The following RFX2 variants were observed in gnomAD, a reference collection of about 807,000 sequenced individuals.
The protein encoded by RFX2 is DNA-binding protein RFX2.
Under a neutral mutation model 87.8 loss-of-function variants are expected in RFX2, and 20 were observed. The ratio of observed to expected loss-of-function variants is 0.23; its 90% confidence interval spans 0.16 to 0.33. The LOEUF (loss-of-function observed/expected upper bound fraction) is 0.33, where lower values mean the gene tolerates loss of function less well. Ranked by LOEUF, RFX2 falls within the 10% of genes least tolerant of loss-of-function variation. The pLI is 1.00. For synonymous variants in RFX2, 397 were observed against 431.3 expected (o/e 0.92, Z 0.98); for missense variants, 767 against 1,012.3 (o/e 0.76, Z 3.29).
intron 1 of RFX2, among the ~76,000 whole-genome samples, chr19:6,068,832 C>A (rs184008633): frequency 3.9e-5 from 6 of 152,204 alleles, no homozygotes; most frequent in East Asian, 1.9e-4. Flanking sequence ...TAACCAGGCC[C>A]CTCTGGCTGC....
At chr19:6,096,855 C>T (rs892331970) in intron 1 of RFX2, among the ~76,000 whole-genome samples, 2 of 152,180 alleles carry the variant, frequency 1.3e-5, no homozygotes, top group African/African-American at 4.8e-5. Flanking sequence ...GTGGTCTCCC[C>T]CTCCCAGGGT....
Position 6,012,406 on chromosome 19 carries a change from G to C in RFX2, c.899+580C>G, listed in dbSNP as rs2144700128. 6.6e-6 allele frequency among the ~76,000 whole-genome samples: 1 copy of C among 152,374 alleles called. No homozygotes were observed. Among genetic ancestry groups the C allele is most frequent in the East Asian group, 1.9e-4 (1 of 5,188 alleles). On this transcript the variant is annotated intron_variant, in intron 8 of 17. Coordinates refer to ENST00000303657, the MANE Select transcript of RFX2 (RefSeq NM_000635.4). This position sits in a 1 kb window ranked among gnomAD's most constrained non-coding sequence, Gnocchi z 4.6. ...GGCAGAAGGATTAGAGGTTGCTGCAGACTGGGGTGGGGAGGGAAAGCTGGG... is the reference window on the plus strand; with the variant it reads ...GGCAGAAGGATTAGAGGTTGCTGCACACTGGGGTGGGGAGGGAAAGCTGGG...
At chr19:6,005,736 A>T (rs2086571311) in intron 12 of RFX2, among the ~76,000 whole-genome samples, 1 of 152,182 alleles carries the variant, frequency 6.6e-6, no homozygotes, top group Non-Finnish European at 1.5e-5. Flanking sequence ...GTTAAAGGTC[A>T]GCCTCTACCC....
chr19:6,004,078 C>T lies in RFX2; in HGVS notation c.1500+123G>A, dbSNP rs1043631614. 63 of 757,290 alleles carry T rather than the reference C, an allele frequency of 8.3e-5. 1 individual carries two copies. The highest frequency in any genetic ancestry group is 4.6e-4 in the African/African-American group (27 of 58,628). 46.9% of individuals were successfully genotyped at this position (757,290 alleles called of 1,614,324 possible). On this transcript the variant is annotated intron_variant, in intron 13 of 17. Transcript: ENST00000303657. The surrounding 1 kb of genome is among the most constrained non-coding windows in gnomAD (Gnocchi z 4.8). Reference sequence around the variant, plus strand: ...TGTGCTCAGGGCTTCCTGAAGGGATCGGTTACTCTCATGACGCAGGGAAGA... The same window carrying T: ...TGTGCTCAGGGCTTCCTGAAGGGATTGGTTACTCTCATGACGCAGGGAAGA...
chr19:6,076,132 G>A (rs2087688892), intron 1 of RFX2, among the ~76,000 whole-genome samples: 1 of 152,210 alleles, frequency 6.6e-6, no homozygotes, highest in Non-Finnish European at 1.5e-5. Flanking sequence ...TTGAGGTCAT[G>A]AGTTCGAGAG....
At chr19:6,096,075 G>A (rs565791769) in intron 1 of RFX2, among the ~76,000 whole-genome samples, 1 of 152,294 alleles carries the variant, frequency 6.6e-6, no homozygotes, top group South Asian at 2.1e-4. Flanking sequence ...TATAGAGAAT[G>A]TTTGCTGATC....
chr19:6,070,595 T>C (rs557104544), intron 1 of RFX2, among the ~76,000 whole-genome samples: 1 of 152,232 alleles, frequency 6.6e-6, no homozygotes, highest in South Asian at 2.1e-4. Context: ...CATAGTCACA[T>C]ATGGGCTCCA....
chr19:6,099,918 T>G (rs1281445154), intron 1 of RFX2, among the ~76,000 whole-genome samples: 2 of 152,034 alleles, frequency 1.3e-5, no homozygotes, highest in African/African-American at 4.8e-5. Flanking sequence ...GAAAGGGGAG[T>G]GTGCTTTTGG....
chr19:6,105,582 G>A (rs115936678), intron 1 of RFX2, among the ~76,000 whole-genome samples: 2,152 of 152,210 alleles, frequency 0.014, 48 homozygotes, highest in African/African-American at 0.049. Context: ...ACATGACGCC[G>A]CCTCTCCCAG....
intron 5 of RFX2, among the ~76,000 whole-genome samples, chr19:6,038,349 A>AG (rs1343307984): frequency 6.7e-6 from 1 of 149,790 alleles, no homozygotes; most frequent in Admixed American, 6.6e-5. Context: ...AAAAAAAAAA[A>AG]AAACCCAAAA....
intron 1 of RFX2, among the ~76,000 whole-genome samples, chr19:6,049,550 T>TA (rs2087241317): frequency 1.3e-5 from 2 of 152,232 alleles, no homozygotes; most frequent in Non-Finnish European, 2.9e-5. Flanking sequence ...TTATTATTAT[T>TA]GTTTTTTGAG....
At position 6,016,391 on chromosome 19, in the gene RFX2, C is replaced by T. The variant is rs2086726711; in HGVS notation, c.598-120G>A. The T allele has an allele frequency of 2.3e-5, 15 of 648,504 alleles. No individual in the cohort carries two copies. The South Asian group carries it at 4.1e-4, about 18-fold the overall frequency. The allele number at this position is 648,504 out of a possible 1,614,324, so 40.2% of individuals were successfully genotyped here. On this transcript the variant is annotated intron_variant, in intron 6 of 17. Coordinates refer to ENST00000303657, the MANE Select transcript of RFX2 (RefSeq NM_000635.4). This position sits in a 1 kb window ranked among gnomAD's most constrained non-coding sequence, Gnocchi z 5.4. ...TGTTACCAAATGGGATGAGGAAATC[C>T]ATCTTTTCTTTCTTTTTGAGGCGGA...
Position 6,046,605 on chromosome 19 carries a change from C to CTT in RFX2, c.90+800_90+801dup, listed in dbSNP as rs55854937. ...TCTAACTCATCTTTTGCCTTTTTGC[C>CTT]TTTTTTTTTTTTTTTTTTTTTTTTT... On this transcript the variant is annotated intron_variant, in intron 2 of 17. Transcript: ENST00000303657. Among the ~76,000 whole-genome samples, 470 of 90,608 alleles carry CTT rather than the reference C, an allele frequency of 5.2e-3. 23 individuals are homozygous for CTT. The highest frequency in any genetic ancestry group is 7.0e-3 in the Non-Finnish European group (307 of 43,858). 59.4% of individuals were successfully genotyped at this position (90,608 alleles called of 152,430 possible).
intron 1 of RFX2, among the ~76,000 whole-genome samples, chr19:6,084,428 C>T (rs1032384924): frequency 6.6e-6 from 1 of 152,136 alleles, no homozygotes; most frequent in Non-Finnish European, 1.5e-5. Context: ...ATTAAGCACA[C>T]TCACACTGTT....
rs1323705655 is a variant in RFX2, at chr19:6,012,590, C to T, written c.899+396G>A. Among the ~76,000 whole-genome samples, 6 of 151,834 alleles carry T rather than the reference C, an allele frequency of 4.0e-5. No homozygotes were observed. In the South Asian group the frequency reaches 6.3e-4, roughly 16 times the overall value. ...GGACTCTGGGGGGTGATGCTGGCTC[C>T]GCGGAGGGTCACGGGTCATGAGCAA... On this transcript the variant is annotated intron_variant, in intron 8 of 17. Coordinates refer to ENST00000303657, the MANE Select transcript of RFX2 (RefSeq NM_000635.4). This position sits in a 1 kb window ranked among gnomAD's most constrained non-coding sequence, Gnocchi z 4.6.
At chr19:6,080,589 A>G (rs2087767191) in intron 1 of RFX2, among the ~76,000 whole-genome samples, 1 of 152,172 alleles carries the variant, frequency 6.6e-6, no homozygotes, top group Non-Finnish European at 1.5e-5. Flanking sequence ...TATGGGTGGC[A>G]CTAAGGATGG....
intron 5 of RFX2, among the ~76,000 whole-genome samples, chr19:6,032,352 G>A (rs922672357): frequency 9.2e-5 from 14 of 152,054 alleles, no homozygotes; most frequent in Non-Finnish European, 1.5e-4. Flanking sequence ...GGATGGTCTC[G>A]ATCTCCTGAC....
intron 4 of RFX2, among the ~76,000 whole-genome samples, chr19:6,041,240 C>T (rs181359092): frequency 3.0e-4 from 46 of 152,122 alleles, no homozygotes; most frequent in African/African-American, 1.1e-3. Flanking sequence ...GGGTGTGCAC[C>T]GCCACAGTGG....
chr19:6,005,406 T>C (rs1439397703), intron 12 of RFX2, among the ~76,000 whole-genome samples: 2 of 152,236 alleles, frequency 1.3e-5, no homozygotes, highest in Non-Finnish European at 2.9e-5. Flanking sequence ...GGGCATGGCC[T>C]GTGGTCCTGA....
Sources: allele counts gnomAD v4.1 joint callset (sites outside exome capture counted in the v4.1 genomes callset), GRCh38; gene constraint gnomAD v4.1.1; non-coding constraint Gnocchi (gnomAD v3.1); transcripts MANE v1.5; gene names NCBI Gene and HGNC (gene_info 2026-07-23, HGNC 2026-07-21).